KCNH6: variants seen among roughly 807,000 people sequenced by gnomAD.
KCNH6 encodes the protein potassium voltage-gated channel subfamily H member 6, also known as voltage-gated inwardly rectifying potassium channel KCNH6.
KCNH6 carries 81 observed loss-of-function variants against 83.4 expected under a neutral mutation model. The observed-to-expected ratio is 0.97, with a 90% CI of 0.81 to 1.17. The LOEUF (loss-of-function observed/expected upper bound fraction) is 1.17, where lower values mean the gene tolerates loss of function less well. Among genes scored for constraint, KCNH6 ranks in the 50% most tolerant of loss-of-function variants. The pLI, the probability that KCNH6 is intolerant of heterozygous loss-of-function variation, is 0.00. For missense variants in KCNH6, 1,203 were observed against 1,290.5 expected, an observed-to-expected ratio of 0.93 and a Z score of 1.04; for synonymous variants, 503 against 545.6, an observed-to-expected ratio of 0.92 and a Z score of 1.09.
rs774728827 is a variant in KCNH6 at position 63,538,239 on chromosome 17, ACAC to A, written c.1679_1681del (p.Thr560del). 6.2e-7 allele frequency: 1 copy of A among 1,613,902 alleles called. No homozygotes were observed. Reference sequence around the variant, plus strand: ...GAGTATTTCCAGCACGCCTGGTCCTACACCAATGGCATTGACATGAACGCGGTG... The same window carrying A: ...GAGTATTTCCAGCACGCCTGGTCCTACAATGGCATTGACATGAACGCGGTG... On this transcript the variant is annotated inframe_deletion, in exon 7 of 13. Coordinates refer to ENST00000314672, the MANE Select transcript of KCNH6 (RefSeq NM_001278919.2). This position sits in a 1 kb window ranked among gnomAD's most constrained non-coding sequence, Gnocchi z 4.0.
chr17:63,548,984 A>G (rs2033199745), downstream of KCNH6: 1 of 152,188 alleles, frequency 6.6e-6, no homozygotes, highest in African/African-American at 2.4e-5. Flanking sequence ...AATTAAAAAA[A>G]AAAGAGGATT....
rs555700503 is a variant in KCNH6 at position 63,535,774 on chromosome 17, T to G, written c.1207T>G (p.Leu403Val). ...YSEYGAAVLF[L>V]LMCTFALIAH... ...TGAGTATGGGGCGGCTGTGCTCTTCTTGCTCATGTGCACCTTCGCGCTCAT... is the reference window on the plus strand; with the variant it reads ...TGAGTATGGGGCGGCTGTGCTCTTCGTGCTCATGTGCACCTTCGCGCTCAT... The change falls in exon 6 of 13, where the codon TTG becomes GTG. Residue 403 changes from leucine (L) to valine (V), a missense_variant. Transcript: ENST00000314672. The surrounding 1 kb of genome is among the most constrained non-coding windows in gnomAD (Gnocchi z 4.9). The G allele has an allele frequency of 2.4e-5, 38 of 1,614,114 alleles. No individual in the cohort carries two copies. Among genetic ancestry groups the G allele is most frequent in the Non-Finnish European group, 3.1e-5 (37 of 1,180,062 alleles).
At position 63,533,201 on chromosome 17, in the gene KCNH6, G is replaced by A. The variant is rs2032238317; in HGVS notation, c.676-685G>A. Among the ~76,000 whole-genome samples, 1 of 152,062 alleles carries A rather than the reference G, an allele frequency of 6.6e-6. No homozygotes were observed. The highest frequency in any genetic ancestry group is 2.4e-5 in the African/African-American group (1 of 41,392). On this transcript the variant is annotated intron_variant, in intron 4 of 12. Coordinates refer to ENST00000314672, the MANE Select transcript of KCNH6 (RefSeq NM_001278919.2). This position sits in a 1 kb window ranked among gnomAD's most constrained non-coding sequence, Gnocchi z 4.1. The stretch of plus-strand genomic sequence containing the variant: ...GGTTGATCACAGTCTTGGAGGCGGG[G>A]GCGGGAGGGGAGAAGGGAGAAGGGA...
chr17:63,546,979 C>T (rs979386508), downstream of KCNH6, among the ~76,000 whole-genome samples: 2 of 152,290 alleles, frequency 1.3e-5, no homozygotes, highest in East Asian at 3.9e-4. Context: ...GCACTCGCCC[C>T]GTACCAGGCA....
rs759173628 is a variant in KCNH6 at position 63,538,049 on chromosome 17, T to G, written c.1502-16T>G. ...AGTGGGGCCGCGGAGGAGCTCACTC[T>G]CCGCCCCGCCCCCAGCCCTGATGTA... On this transcript the variant is annotated splice_polypyrimidine_tract_variant and intron_variant, in intron 6 of 12. Coordinates refer to ENST00000314672, the MANE Select transcript of KCNH6 (RefSeq NM_001278919.2). This position sits in a 1 kb window ranked among gnomAD's most constrained non-coding sequence, Gnocchi z 4.0. 3.7e-6 allele frequency: 6 copies of G among 1,610,236 alleles called. No individual in the cohort carries two copies. The African/African-American group carries it at 6.7e-5, about 18-fold the overall frequency.
Position 63,538,504 on chromosome 17 carries a change from G to C in KCNH6, c.1796G>C (p.Gly599Ala). Residue 599 changes from glycine (G) to alanine (A), a missense_variant, in exon 8 of 13, where the codon GGC (glycine) becomes GCC (alanine). Coordinates refer to ENST00000314672, the MANE Select transcript of KCNH6 (RefSeq NM_001278919.2). The surrounding 1 kb of genome is among the most constrained non-coding windows in gnomAD (Gnocchi z 4.0). ...LQHCPAFSGA[G>A]KGCLRALAVK... ...CACTGCCCAGCTTTCAGCGGCGCCGGCAAGGGCTGCCTGCGCGCGCTAGCC... is the reference window on the plus strand; with the variant it reads ...CACTGCCCAGCTTTCAGCGGCGCCGCCAAGGGCTGCCTGCGCGCGCTAGCC... 6.2e-7 allele frequency: 1 copy of C among 1,602,206 alleles called. No individual in the cohort carries two copies.
At chr17:63,530,895 G>A (rs986693186) in intron 4 of KCNH6, among the ~76,000 whole-genome samples, 1 of 152,214 alleles carries the variant, frequency 6.6e-6, no homozygotes, top group Non-Finnish European at 1.5e-5. Flanking sequence ...GGAAGGAGAG[G>A]CAGAGAGGAG....
chr17:63,524,076 T>G, intron 1 of KCNH6, 63 bp from the exon 2 acceptor site: 2 of 1,188,184 alleles, frequency 1.7e-6, no homozygotes, highest in Non-Finnish European at 2.5e-6. Context: ...CCTTATGATC[T>G]TTCCCTCCCA....
chr17:63,529,505 C>A (rs1597977921), intron 2 of KCNH6, among the ~76,000 whole-genome samples: 1 of 152,252 alleles, frequency 6.6e-6, no homozygotes, highest in East Asian at 1.9e-4. Flanking sequence ...CATGCTCCCT[C>A]CCAGCCCTTG....
chr17:63,542,387 G>A lies in KCNH6; in HGVS notation c.2101G>A (p.Ala701Thr), dbSNP rs2032916517. 6.2e-7 allele frequency: 1 copy of A among 1,614,190 alleles called. No individual in the cohort carries two copies. The highest frequency in any genetic ancestry group is 8.5e-7 in the Non-Finnish European group (1 of 1,180,038). ...LEVLDMYPAF[A>T]ESFWSKLEVT... ...GGTGCTGGACATGTACCCGGCCTTTGCGGAGAGCTTCTGGAGTAAGCTGGA... is the reference window on the plus strand; with the variant it reads ...GGTGCTGGACATGTACCCGGCCTTTACGGAGAGCTTCTGGAGTAAGCTGGA... Residue 701 changes from alanine to threonine, a missense_variant, in exon 9 of 13, where the codon GCG becomes ACG. By Grantham distance (58) the Ala-to-Thr change is moderately conservative. Transcript: ENST00000314672.
Position 63,538,331 on chromosome 17 carries a change from C to G in KCNH6, c.1701+67C>G, listed in dbSNP as rs1277154753. ...GAGCCAAGATCCTGCGGGGGCGGGGCGTCCCCAGAGCCCTCACCACCCTCT... is the reference window on the plus strand; with the variant it reads ...GAGCCAAGATCCTGCGGGGGCGGGGGGTCCCCAGAGCCCTCACCACCCTCT... On this transcript the variant is annotated intron_variant, in intron 7 of 12. Transcript: ENST00000314672. The surrounding 1 kb of genome is among the most constrained non-coding windows in gnomAD (Gnocchi z 4.0). 1 of 1,606,842 alleles carries G rather than the reference C, an allele frequency of 6.2e-7. No homozygotes were observed. The highest frequency in any genetic ancestry group is 8.5e-7 in the Non-Finnish European group (1 of 1,176,560).
Position 63,544,393 on chromosome 17 carries a change from T to C in KCNH6, c.2378T>C (p.Leu793Pro). ...AAGCTGGGCTCCAGGCTAGAGCAGC[T>C]CCAGGCCCAGATGAACAGGTGTGTG... ...PLKLGSRLEQ[L>P]QAQMNRLESR... The change falls in exon 11 of 13, where the codon CTC becomes CCC. Residue 793 changes from leucine (L) to proline (P), a missense_variant. By Grantham distance (98) the Leu-to-Pro change is moderately conservative. Transcript: ENST00000314672. 1 of 1,588,192 alleles carries C rather than the reference T, an allele frequency of 6.3e-7. No individual in the cohort carries two copies. The highest frequency in any genetic ancestry group is 8.6e-7 in the Non-Finnish European group (1 of 1,168,332).
At chr17:63,532,873 C>A (rs989850148) in intron 4 of KCNH6, among the ~76,000 whole-genome samples, 5 of 152,268 alleles carry the variant, frequency 3.3e-5, no homozygotes, top group African/African-American at 1.2e-4. Flanking sequence ...CTGTGTAGAG[C>A]AGCACCTGCC....
intron 2 of KCNH6, among the ~76,000 whole-genome samples, chr17:63,526,390 C>CTTT (rs11316766): frequency 7.4e-6 from 1 of 134,676 alleles, no homozygotes; most frequent in Non-Finnish European, 1.6e-5. Flanking sequence ...TCATATAATC[C>CTTT]TTTTTTTTTT....
At chr17:63,546,956 C>CA (rs1029823538), downstream of KCNH6, among the ~76,000 whole-genome samples, 1 of 152,134 alleles carries the variant, frequency 6.6e-6, no homozygotes, top group African/African-American at 2.4e-5. Context: ...TGACAACAGC[C>CA]AACACTTCGG....
chr17:63,530,681 C>A, intron 4 of KCNH6, 139 bp downstream of exon 4: 1 of 734,576 alleles, frequency 1.4e-6, no homozygotes, highest in Admixed American at 2.6e-5. Flanking sequence ...TGGTTTGAGC[C>A]CCGGGCCTCC....
At position 63,538,163 on chromosome 17, in the gene KCNH6, G is replaced by T. The variant is rs1295419090; in HGVS notation, c.1600G>T (p.Glu534Ter). 4 of 1,614,160 alleles carry T rather than the reference G, an allele frequency of 2.5e-6. No individual in the cohort carries two copies. Among genetic ancestry groups the T allele is most frequent in the Non-Finnish European group, 3.4e-6 (4 of 1,179,972 alleles). The change falls in exon 7 of 13, where the codon GAG (glutamate) becomes TAG (stop). Residue 534 changes from glutamate to a stop codon, truncating the protein, a stop_gained. Transcript: ENST00000314672. LOFTEE classifies it high-confidence loss of function. The surrounding 1 kb of genome is among the most constrained non-coding windows in gnomAD (Gnocchi z 4.0). ...CCACACGCAGATGCTGCGTGTCAAG[G>T]AGTTCATCCGCTTCCACCAGATCCC... Reference protein sequence around the residue: ...RYHTQMLRVKEFIRFHQIPNP... With the variant: ...RYHTQMLRVK
intron 6 of KCNH6, 140 bp from the exon 7 acceptor site, chr17:63,537,925 T>A (rs1003273025): frequency 2.6e-6 from 2 of 779,278 alleles, no homozygotes; most frequent in Admixed American, 5.0e-5. Context: ...GCCCTGGCGC[T>A]GTCCTGGTCA....
intron 9 of KCNH6, among the ~76,000 whole-genome samples, chr17:63,542,818 A>T (rs1054933238): frequency 3.9e-5 from 6 of 152,160 alleles, no homozygotes; most frequent in Non-Finnish European, 8.8e-5. Flanking sequence ...ACATCATACC[A>T]AGCTGAAAAA....
Sources: gnomAD v4.1 joint callset for allele counts (sites outside exome capture counted in the v4.1 genomes callset) on GRCh38, gnomAD v4.1.1 for gene constraint, Gnocchi (gnomAD v3.1) non-coding constraint, MANE v1.5 for transcripts, NCBI Gene and HGNC (gene_info 2026-07-23, HGNC 2026-07-21) for gene names.